Variants in SNRPC observed in about 807,000 individuals in gnomAD.
SNRPC encodes the protein U1 small nuclear ribonucleoprotein C.
A neutral mutation model predicts 20.0 loss-of-function variants in SNRPC; 5 were observed. The ratio of observed to expected loss-of-function variants is 0.25; its 90% CI spans 0.13 to 0.53. SNRPC has a LOEUF of 0.53. SNRPC is among the 20% of genes least tolerant of loss of function. The pLI, the probability that SNRPC is intolerant of heterozygous loss-of-function variation, is 0.96. For synonymous variants in SNRPC, 61 were observed against 58.7 expected (o/e 1.04, Z -0.18); for missense variants, 112 against 224.1 (o/e 0.50, Z 3.19).
At chr6:34,768,776 G>GAAAAT (rs1764648590) in intron 4 of SNRPC, among the ~76,000 whole-genome samples, 1 of 147,958 alleles carries the variant, frequency 6.8e-6, no homozygotes, top group Non-Finnish European at 1.5e-5. Flanking sequence ...AAAAAGAAAA[G>GAAAAT]AAAAGAAGGA....
Position 34,762,303 on chromosome 6 carries a change from G to GA in SNRPC, c.52-279dup, listed in dbSNP as rs111917822. Among the ~76,000 whole-genome samples the GA allele has an allele frequency of 2.0e-3, 283 of 138,308 alleles. 2 individuals are homozygous for GA. The highest frequency in any genetic ancestry group is 3.7e-3 in the Middle Eastern group (1 of 272). 90.7% of individuals were successfully genotyped at this position (138,308 alleles called of 152,430 possible). A position where few individuals can be genotyped will look rare whatever the true frequency, so the allele number is the denominator to read the frequency against. ...TGGGCAACAGAGCAGGACCCTGTTA[G>GA]AAAAAAAAAAAAAGATAGATAGAGA... On this transcript the variant is annotated intron_variant, in intron 2 of 5. Coordinates refer to ENST00000244520, the MANE Select transcript of SNRPC (RefSeq NM_003093.3).
intron 3 of SNRPC, among the ~76,000 whole-genome samples, chr6:34,764,305 C>T (rs1410572079): frequency 2.0e-5 from 3 of 151,640 alleles, no homozygotes; most frequent in African/African-American, 4.8e-5. Context: ...GGAGAAACCC[C>T]GTCTCTACTA....
At chr6:34,760,370 G>A (rs909133642) in intron 2 of SNRPC, among the ~76,000 whole-genome samples, 1 of 151,834 alleles carries the variant, frequency 6.6e-6, no homozygotes, top group African/African-American at 2.4e-5. Flanking sequence ...CACTGTGTCC[G>A]GCCAAGTTCT....
At chr6:34,767,730 G>A (rs1007596357) in intron 3 of SNRPC, among the ~76,000 whole-genome samples, 178 bp from the exon 4 acceptor site, 1 of 152,110 alleles carries the variant, frequency 6.6e-6, no homozygotes, top group African/African-American at 2.4e-5. Flanking sequence ...CTTTTAGCCG[G>A]TGAATACCTA....
At position 34,763,891 on chromosome 6, in the gene SNRPC, AT is replaced by A. The variant is rs200575819; in HGVS notation, c.160+1193del. Reference sequence around the variant, plus strand: ...GCCACCGTGCCTAGCCAATTTTTGTATTTTTAGTAGAGACGGGATTTCACCA... The same window carrying A: ...GCCACCGTGCCTAGCCAATTTTTGTATTTTAGTAGAGACGGGATTTCACCA... On this transcript the variant is annotated intron_variant, in intron 3 of 5. Coordinates refer to ENST00000244520, the MANE Select transcript of SNRPC (RefSeq NM_003093.3). Among the ~76,000 whole-genome samples, 1,238 of 148,016 alleles carry A rather than the reference AT, an allele frequency of 8.4e-3. 18 individuals carry two copies. The highest frequency in any genetic ancestry group is 0.027 in the African/African-American group (1,081 of 40,454).
chr6:34,770,235 G>C, intron 4 of SNRPC, 56 bp from the exon 5 acceptor site: 2 of 1,258,598 alleles, frequency 1.6e-6, no homozygotes, highest in South Asian at 2.4e-5. Flanking sequence ...AAAAAAAGAA[G>C]AGAAAATGTT....
chr6:34,757,512 G>T lies in SNRPC; in HGVS notation c.-32G>T. 2 of 1,612,000 alleles carry T rather than the reference G, an allele frequency of 1.2e-6. No individual in the cohort carries two copies. Among genetic ancestry groups the T allele is most frequent in the Non-Finnish European group, 1.7e-6 (2 of 1,178,110 alleles). On this transcript the variant is annotated 5_prime_UTR_variant, in exon 1 of 6. Coordinates refer to ENST00000244520, the MANE Select transcript of SNRPC (RefSeq NM_003093.3). ...TGTGCGCGTCATTTCCGGGCGTCAC[G>T]TAACGGAGTGGCCAACGGCCTGCAG...
At chr6:34,760,637 TATAA>T (rs1298169115) in intron 2 of SNRPC, among the ~76,000 whole-genome samples, 1 of 152,268 alleles carries the variant, frequency 6.6e-6, no homozygotes, top group East Asian at 1.9e-4. Flanking sequence ...TTCTTTATAT[TATAA>T]ATATCTTTTC....
intron 2 of SNRPC, among the ~76,000 whole-genome samples, chr6:34,759,511 A>G (rs754496468): frequency 1.3e-5 from 2 of 152,254 alleles, no homozygotes; most frequent in African/African-American, 2.4e-5. Context: ...TTTGTCACTC[A>G]GAATATTAAA....
chr6:34,770,451 T>A, intron 5 of SNRPC, 56 bp downstream of exon 5: 1 of 1,099,944 alleles, frequency 9.1e-7, no homozygotes. Context: ...TTACTATGCA[T>A]AGCTGACACT....
At chr6:34,759,038 A>G (rs7341249) in intron 2 of SNRPC, among the ~76,000 whole-genome samples, 32,141 of 140,818 alleles carry the variant, frequency 0.23, 5,345 homozygotes, top group African/African-American at 0.42. Flanking sequence ...AAAAAAAAAA[A>G]AAAAAAAGAA....
At chr6:34,761,621 C>T (rs148937140) in intron 2 of SNRPC, among the ~76,000 whole-genome samples, 2,834 of 147,474 alleles carry the variant, frequency 0.019, 39 homozygotes, top group Non-Finnish European at 0.031. Flanking sequence ...CCTGGGTTCA[C>T]GCCATTCTCC....
chr6:34,765,953 C>G lies in SNRPC; in HGVS notation c.161-1955C>G, dbSNP rs533268378. Among the ~76,000 whole-genome samples the G allele has an allele frequency of 9.1e-4, 138 of 151,944 alleles. 1 individual carries two copies. The highest frequency in any genetic ancestry group is 7.5e-3 in the South Asian group (36 of 4,806). ...ATGGTGTCTCACTTTGTTGCCCAGGCTGGTCTTGAACTCCTGGCCTCAAGC... is the reference window on the plus strand; with the variant it reads ...ATGGTGTCTCACTTTGTTGCCCAGGGTGGTCTTGAACTCCTGGCCTCAAGC... On this transcript the variant is annotated intron_variant, in intron 3 of 5. Transcript: ENST00000244520.
intron 4 of SNRPC, 37 bp downstream of exon 4, chr6:34,768,034 G>A (rs760471939): frequency 1.9e-6 from 3 of 1,581,834 alleles, no homozygotes; most frequent in Non-Finnish European, 2.6e-6. Flanking sequence ...GGTGTGACGG[G>A]GCAGGCTATC....
intron 2 of SNRPC, among the ~76,000 whole-genome samples, chr6:34,762,133 A>G (rs541397901): frequency 6.6e-6 from 1 of 152,236 alleles, no homozygotes; most frequent in East Asian, 1.9e-4. Flanking sequence ...GTGAGACGTC[A>G]TCTCTACAAA....
intron 3 of SNRPC, among the ~76,000 whole-genome samples, chr6:34,764,762 C>G (rs1764592563): frequency 6.6e-6 from 1 of 152,132 alleles, no homozygotes; most frequent in Admixed American, 6.5e-5. Context: ...TGGCTCATGC[C>G]TGTAATCCCA....
At chr6:34,769,289 G>A (rs1272394420) in intron 4 of SNRPC, among the ~76,000 whole-genome samples, 1 of 148,778 alleles carries the variant, frequency 6.7e-6, no homozygotes, top group Non-Finnish European at 1.5e-5. Context: ...GAGTGCAGTG[G>A]CACGATCTCA....
At position 34,773,321 on chromosome 6, in the gene SNRPC, G is replaced by A. The variant is rs560564159; in HGVS notation, c.356-125G>A. 6.8e-6 allele frequency: 5 copies of A among 736,100 alleles called. No individual in the cohort carries two copies. The South Asian group carries it at 9.5e-5, about 14-fold the overall frequency. 45.6% of individuals were successfully genotyped at this position (736,100 alleles called of 1,614,324 possible). ...TTGTTGCATTTCTTCTGTCACGTGTGTCTTTTTTCCAGCATTTTGCAAGGG... is the reference window on the plus strand; with the variant it reads ...TTGTTGCATTTCTTCTGTCACGTGTATCTTTTTTCCAGCATTTTGCAAGGG... On this transcript the variant is annotated intron_variant, in intron 5 of 5. Transcript: ENST00000244520. The surrounding 1 kb of genome is among the most constrained non-coding windows in gnomAD (Gnocchi z 4.1).
intron 5 of SNRPC, among the ~76,000 whole-genome samples, chr6:34,770,740 G>A (rs1403712522): frequency 6.6e-6 from 1 of 152,048 alleles, no homozygotes; most frequent in Non-Finnish European, 1.5e-5. Flanking sequence ...CCTGGCTTTT[G>A]GCCATTTATA....
Sources: gnomAD v4.1 joint callset for allele counts (sites outside exome capture counted in the v4.1 genomes callset) on GRCh38, gnomAD v4.1.1 for gene constraint, Gnocchi (gnomAD v3.1) non-coding constraint, MANE v1.5 for transcripts, NCBI Gene and HGNC (gene_info 2026-07-23, HGNC 2026-07-21) for gene names.